Variants in CDYL observed in about 807,000 individuals in gnomAD.
CDYL encodes the protein chromodomain Y like, also known as chromodomain Y-like protein.
A neutral mutation model predicts 47.3 loss-of-function variants in CDYL; 8 were observed. The observed-to-expected ratio is 0.17, with a 90% confidence interval of 0.10 to 0.31. The LOEUF (loss-of-function observed/expected upper bound fraction) is 0.31. Among genes scored for constraint, CDYL ranks in the 10% least tolerant of loss-of-function variants. The pLI is 1.00. For missense variants in CDYL, 471 were observed against 701.4 expected (o/e 0.67, Z 3.71); for synonymous variants, 266 against 265.0 (o/e 1.00, Z -0.04).
At chr6:4,855,259 C>T (rs1428422739) in intron 1 of CDYL, among the ~76,000 whole-genome samples, 1 of 151,964 alleles carries the variant, frequency 6.6e-6, no homozygotes, top group African/African-American at 2.4e-5. Context: ...CTATTAATAT[C>T]CTCCCATCAA....
intron 3 of CDYL, among the ~76,000 whole-genome samples, chr6:4,742,710 G>A (rs1002531912): frequency 1.3e-5 from 2 of 152,236 alleles, no homozygotes; most frequent in Admixed American, 1.3e-4. Flanking sequence ...TGATTGAGCT[G>A]CTGCCTTGAA....
chr6:4,715,209 T>C (rs928681010), intron 1 of CDYL, among the ~76,000 whole-genome samples: 2 of 152,238 alleles, frequency 1.3e-5, no homozygotes, highest in Non-Finnish European at 2.9e-5. Flanking sequence ...TTTGGTTACT[T>C]CTTCCTGCTT....
At chr6:4,724,070 G>C (rs1460402949) in intron 2 of CDYL, among the ~76,000 whole-genome samples, 4 of 152,106 alleles carry the variant, frequency 2.6e-5, no homozygotes, top group African/African-American at 9.7e-5. Flanking sequence ...AGAGAGTCTT[G>C]CTCTGACACC....
chr6:4,891,986 G>A lies in CDYL; in HGVS notation c.298G>A (p.Val100Met), dbSNP rs757700421. Residue 100 changes from valine to methionine, a missense_variant, in exon 2 of 7, where the codon GTG becomes ATG. Val to Met is a conservative substitution (Grantham distance 21). This residue lies in a region of CDYL where 311 missense variants were observed against 350.0 expected (regional missense o/e 0.89). Coordinates refer to ENST00000397588, the MANE Select transcript of CDYL (RefSeq NM_004824.4). ...TTCTAAGACCTCTCCTAAGGCACTCGTGATTGGGAAAGACCACGAATCCAA... is the reference window on the plus strand; with the variant it reads ...TTCTAAGACCTCTCCTAAGGCACTCATGATTGGGAAAGACCACGAATCCAA... ...NFSKTSPKAL[V>M]IGKDHESKNS... The A allele has an allele frequency of 1.4e-5, 23 of 1,614,068 alleles. No homozygotes were observed. Among genetic ancestry groups the A allele is most frequent in the Middle Eastern group, 1.6e-4 (1 of 6,084 alleles).
At chr6:4,732,190 C>T (rs1757616945) in intron 2 of CDYL, among the ~76,000 whole-genome samples, 1 of 151,722 alleles carries the variant, frequency 6.6e-6, no homozygotes. Context: ...CAAAAATTAG[C>T]TAAGCATGAT....
At chr6:4,713,108 G>C (rs1757182412) in intron 1 of CDYL, among the ~76,000 whole-genome samples, 1 of 152,200 alleles carries the variant, frequency 6.6e-6, no homozygotes, top group South Asian at 2.1e-4. Flanking sequence ...CCACATGAGG[G>C]GGTCGAGCAA....
chr6:4,906,481 A>G (rs1006321436), intron 2 of CDYL, among the ~76,000 whole-genome samples: 11 of 152,182 alleles, frequency 7.2e-5, no homozygotes, highest in Non-Finnish European at 1.3e-4. Flanking sequence ...ATGACAGTAC[A>G]AGCGTGAAGG....
chr6:4,758,351 A>AAAAT (rs1554134098), intron 3 of CDYL, among the ~76,000 whole-genome samples: 1 of 129,074 alleles, frequency 7.7e-6, no homozygotes, highest in African/African-American at 3.1e-5. Flanking sequence ...AAAATAAATA[A>AAAAT]ATATATATAT....
At chr6:4,888,392 ATTTG>A (rs1164531104) in intron 1 of CDYL, among the ~76,000 whole-genome samples, 4 of 151,992 alleles carry the variant, frequency 2.6e-5, no homozygotes, top group Non-Finnish European at 4.4e-5. Flanking sequence ...ATTTCTAGGA[ATTTG>A]TTTATTTCAT....
chr6:4,746,781 T>C (rs780761476), intron 3 of CDYL, among the ~76,000 whole-genome samples: 10 of 152,054 alleles, frequency 6.6e-5, no homozygotes, highest in Non-Finnish European at 1.2e-4. Context: ...CATAGACTAA[T>C]GGGAGCCAGG....
At chr6:4,775,077 A>G (rs1284559804), upstream of CDYL, among the ~76,000 whole-genome samples, 1 of 152,098 alleles carries the variant, frequency 6.6e-6, no homozygotes, top group Non-Finnish European at 1.5e-5. The surrounding 1 kb of genome is among the most constrained non-coding windows in gnomAD (Gnocchi z 7.0). Context: ...GGGCTTTAGG[A>G]AGAAAACTGG....
intron 1 of CDYL, among the ~76,000 whole-genome samples, chr6:4,843,471 GC>G (rs745520985): frequency 6.8e-6 from 1 of 147,780 alleles, no homozygotes; most frequent in Non-Finnish European, 1.5e-5. Context: ...CTTAGGATTG[GC>G]CATTTAACAT....
intron 1 of CDYL, among the ~76,000 whole-genome samples, chr6:4,861,709 G>A (rs1024296265): frequency 6.6e-6 from 1 of 152,182 alleles, no homozygotes; most frequent in Non-Finnish European, 1.5e-5. Context: ...TGTTCTTCTT[G>A]ATGCCCTTGG....
At chr6:4,875,618 T>C (rs1175007151) in intron 1 of CDYL, among the ~76,000 whole-genome samples, 1 of 152,248 alleles carries the variant, frequency 6.6e-6, no homozygotes, top group African/African-American at 2.4e-5. Context: ...TTTAAAAAAT[T>C]TGACATCATA....
chr6:4,730,321 T>A (rs576706084), intron 2 of CDYL, among the ~76,000 whole-genome samples: 1 of 152,242 alleles, frequency 6.6e-6, no homozygotes, highest in Admixed American at 6.5e-5. Flanking sequence ...CAAGTCCATT[T>A]TAAAGTCTTG....
At chr6:4,857,886 C>T (rs1761054673) in intron 1 of CDYL, among the ~76,000 whole-genome samples, 2 of 152,132 alleles carry the variant, frequency 1.3e-5, no homozygotes, top group African/African-American at 4.8e-5. Context: ...ATACTCACTT[C>T]TCATTATGCC....
chr6:4,843,057 T>C (rs2127459906), intron 1 of CDYL, among the ~76,000 whole-genome samples: 1 of 152,356 alleles, frequency 6.6e-6, no homozygotes, highest in East Asian at 1.9e-4. Context: ...TCATCATTTA[T>C]GAAGTTTAGT....
At chr6:4,746,953 T>C (rs1054336032) in intron 3 of CDYL, among the ~76,000 whole-genome samples, 2 of 152,136 alleles carry the variant, frequency 1.3e-5, no homozygotes, top group Admixed American at 1.3e-4. Flanking sequence ...CTAAATTAGT[T>C]CTGTGTCCCT....
At chr6:4,902,068 G>A (rs1406974109) in intron 2 of CDYL, among the ~76,000 whole-genome samples, 2 of 152,106 alleles carry the variant, frequency 1.3e-5, no homozygotes, top group Admixed American at 1.3e-4. Context: ...GGGATGAGAG[G>A]ATACCCCAGG....
Sources: allele counts gnomAD v4.1 joint callset (sites outside exome capture counted in the v4.1 genomes callset), GRCh38; gene constraint gnomAD v4.1.1; regional missense constraint gnomAD v4.1.1; non-coding constraint Gnocchi (gnomAD v3.1); transcripts MANE v1.5; gene names NCBI Gene and HGNC (gene_info 2026-07-23, HGNC 2026-07-21).